The following GPHN variants were observed in gnomAD, a reference collection of about 807,000 sequenced individuals.
GPHN encodes gephyrin.
A neutral mutation model predicts 95.5 loss-of-function variants in GPHN; 17 were observed. That is an observed-to-expected ratio of 0.18 (90% CI 0.12 to 0.27). GPHN has a LOEUF of 0.27. GPHN is among the 10% of genes least tolerant of loss of function. The pLI, the probability that GPHN is intolerant of heterozygous loss-of-function variation, is 1.00. For missense variants in GPHN, 660 were observed against 978.1 expected, an observed-to-expected ratio of 0.67 and a Z score of 4.34; for synonymous variants, 320 against 322.5, an observed-to-expected ratio of 0.99 and a Z score of 0.08.
rs896656107 is a variant in GPHN, at chr14:67,093,190, AT to A, written c.1237+4124del. 4.0e-4 allele frequency among the ~76,000 whole-genome samples: 61 copies of A among 151,954 alleles called. 1 individual carries two copies. The highest frequency in any genetic ancestry group is 1.2e-3 in the African/African-American group (51 of 41,456). On this transcript the variant is annotated intron_variant, in intron 12 of 22. Coordinates refer to ENST00000478722, the MANE Select transcript of GPHN (RefSeq NM_020806.5). Reference sequence around the variant, plus strand: ...CCATTTGGGTAGAGAGAATTTAAAAATTTTTTTTTCTTGTTTACATTCTGAT... The same window carrying A: ...CCATTTGGGTAGAGAGAATTTAAAAATTTTTTTTCTTGTTTACATTCTGAT...
intron 2 of GPHN, among the ~76,000 whole-genome samples, chr14:66,766,346 CT>C (rs1488982629): frequency 6.6e-6 from 1 of 151,968 alleles, no homozygotes; most frequent in Admixed American, 6.6e-5. Flanking sequence ...GCAGAAGGGC[CT>C]TGGTAAACTT....
rs554229540 is a variant in GPHN at position 66,682,102 on chromosome 14, G to C, written c.143+917G>C. On this transcript the variant is annotated intron_variant, in intron 2 of 22. Transcript: ENST00000478722. ...GATTCTTTAATGATTGACTAGTCATGTTAAAAAATATGAGAGTGCTGAAAA... is the reference window on the plus strand; with the variant it reads ...GATTCTTTAATGATTGACTAGTCATCTTAAAAAATATGAGAGTGCTGAAAA... 3.3e-5 allele frequency among the ~76,000 whole-genome samples: 5 copies of C among 152,302 alleles called. No homozygotes were observed. In the South Asian group the frequency reaches 1.0e-3, roughly 32 times the overall value.
the GPHN span, chr14:67,724,392 GTT>G: frequency 0.23 from 157,067 of 669,436 alleles, 8,147 homozygotes; most frequent in African/African-American, 0.51. Context: ...GCTGGATAGA[GTT>G]TTTTTTTTTT....
the GPHN span, among the ~76,000 whole-genome samples, chr14:67,274,183 A>G: frequency 6.6e-6 from 1 of 152,164 alleles, no homozygotes; most frequent in East Asian, 1.9e-4. Flanking sequence ...TGTTTTAGTC[A>G]TGAAGTCCTT....
At chr14:66,527,460 A>C (rs189709776) in intron 1 of GPHN, among the ~76,000 whole-genome samples, 1 of 146,650 alleles carries the variant, frequency 6.8e-6, no homozygotes, top group Admixed American at 6.8e-5. Flanking sequence ...TCATGTCTGT[A>C]TCTCCTTCAG....
At chr14:67,444,428 C>G in the GPHN span, among the ~76,000 whole-genome samples, 511 of 152,256 alleles carry the variant, frequency 3.4e-3, 4 homozygotes, top group Non-Finnish European at 5.8e-3. Flanking sequence ...TTTTCAGCCT[C>G]TGAGCTATAA....
At position 66,833,664 on chromosome 14, in the gene GPHN, T is replaced by TAAAA. The variant is rs11394709; in HGVS notation, c.294+9110_294+9113dup. Among the ~76,000 whole-genome samples, 851 of 142,674 alleles carry TAAAA rather than the reference T, an allele frequency of 6.0e-3. 3 individuals carry two copies. Among genetic ancestry groups the TAAAA allele is most frequent in the African/African-American group, 0.02 (811 of 39,670 alleles). The allele number at this position is 142,674 out of a possible 152,430, so 93.6% of individuals were successfully genotyped here. On this transcript the variant is annotated intron_variant, in intron 4 of 22. Coordinates refer to ENST00000478722, the MANE Select transcript of GPHN (RefSeq NM_020806.5). ...TTGGAGGTTGTTTTTATGCCCTGGT[T>TAAAA]AAAAAAAAAAAAAAAGTTCTGATGT...
At chr14:66,984,312 A>G (rs1314327384) in intron 9 of GPHN, among the ~76,000 whole-genome samples, 1 of 152,112 alleles carries the variant, frequency 6.6e-6, no homozygotes, top group Admixed American at 6.5e-5. Flanking sequence ...CTCTGAATTC[A>G]CTCCATAGGG....
At chr14:67,694,094 A>G in the GPHN span, among the ~76,000 whole-genome samples, 1 of 152,120 alleles carries the variant, frequency 6.6e-6, no homozygotes, top group African/African-American at 2.4e-5. Context: ...TGACCAGGAG[A>G]TGCATTCTTA....
chr14:67,722,424 G>A, the GPHN span: 4 of 622,264 alleles, frequency 6.4e-6, no homozygotes, highest in Non-Finnish European at 1.2e-5. Context: ...TCCCCACCAG[G>A]ACTACATCTC....
the GPHN span, among the ~76,000 whole-genome samples, chr14:67,556,224 AAAG>A: frequency 2.0e-5 from 3 of 152,236 alleles, no homozygotes; most frequent in Non-Finnish European, 4.4e-5. Context: ...AATCCAGGTT[AAAG>A]GAGGCTTGCC....
chr14:67,531,955 C>T, the GPHN span, among the ~76,000 whole-genome samples: 1 of 148,640 alleles, frequency 6.7e-6, no homozygotes, highest in South Asian at 2.1e-4. Flanking sequence ...TTAATGTCTT[C>T]TTAGCAAAAT....
chr14:67,409,958 A>C, the GPHN span, among the ~76,000 whole-genome samples: 1 of 152,118 alleles, frequency 6.6e-6, no homozygotes, highest in East Asian at 1.9e-4. Context: ...TTCAGCCTGC[A>C]GGGAGGGGTG....
chr14:66,705,089 T>C (rs752509024), intron 2 of GPHN, among the ~76,000 whole-genome samples: 19 of 152,214 alleles, frequency 1.2e-4, no homozygotes, highest in South Asian at 6.2e-4. Context: ...TTCCTGGACA[T>C]GTACACCCTC....
the GPHN span, among the ~76,000 whole-genome samples, chr14:67,532,132 G>C: frequency 6.6e-6 from 1 of 152,214 alleles, no homozygotes; most frequent in South Asian, 2.1e-4. Context: ...AAATTCTCAC[G>C]TTTGGCCTCC....
At chr14:66,569,731 A>ATG (rs59303490) in intron 1 of GPHN, among the ~76,000 whole-genome samples, 2 of 76,018 alleles carry the variant, frequency 2.6e-5, no homozygotes, top group African/African-American at 3.7e-4. Flanking sequence ...GTTTTGTTAC[A>ATG]TATATATATA....
At chr14:67,702,180 G>T in the GPHN span, among the ~76,000 whole-genome samples, 1 of 151,808 alleles carries the variant, frequency 6.6e-6, no homozygotes, top group East Asian at 1.9e-4. Context: ...TGTTGCCCAG[G>T]CTGGTCTCAA....
At chr14:67,682,639 T>C in the GPHN span, among the ~76,000 whole-genome samples, 6,082 of 152,284 alleles carry the variant, frequency 0.04, 357 homozygotes, top group African/African-American at 0.13. Flanking sequence ...AGAATACTCA[T>C]AGACTGCTGG....
intron 1 of GPHN, among the ~76,000 whole-genome samples, chr14:66,623,008 C>T (rs2063370295): frequency 6.6e-6 from 1 of 152,084 alleles, no homozygotes. Flanking sequence ...TGTATTAATC[C>T]ATTTTCATGC....
Sources: gnomAD v4.1 joint callset for allele counts (sites outside exome capture counted in the v4.1 genomes callset) on GRCh38, gnomAD v4.1.1 for gene constraint, MANE v1.5 for transcripts, NCBI Gene and HGNC (gene_info 2026-07-23, HGNC 2026-07-21) for gene names.